SLC14A2: variants seen among roughly 807,000 people sequenced by gnomAD.
The protein encoded by SLC14A2 is urea transporter 2.
In SLC14A2, 91 loss-of-function variants were observed where a neutral mutation model predicts 104.6. That is an observed-to-expected ratio of 0.87 (90% CI 0.73 to 1.04). The LOEUF (loss-of-function observed/expected upper bound fraction) is 1.04. Among genes scored for constraint, SLC14A2 ranks in the 50% least tolerant of loss-of-function variants. The probability of loss-of-function intolerance (pLI) is 0.00; values close to 1 mark genes in which losing one functional copy is unlikely to be tolerated. For synonymous variants in SLC14A2, 476 were observed against 466.4 expected, an observed-to-expected ratio of 1.02 and a Z score of -0.27; for missense variants, 1,189 against 1,156.0, an observed-to-expected ratio of 1.03 and a Z score of -0.41.
At chr18:45,466,148 G>A (rs752417246) in intron 1 of SLC14A2, among the ~76,000 whole-genome samples, 6 of 152,008 alleles carry the variant, frequency 3.9e-5, no homozygotes, top group Non-Finnish European at 7.4e-5. Flanking sequence ...TGCTTATCTC[G>A]GTCAGGTCAC....
intron 1 of SLC14A2, among the ~76,000 whole-genome samples, chr18:45,383,280 G>T (rs572580074): frequency 2.0e-5 from 3 of 152,150 alleles, no homozygotes; most frequent in Non-Finnish European, 4.4e-5. Context: ...TCAGTGATGC[G>T]CAGAAAATGG....
intron 2 of SLC14A2, among the ~76,000 whole-genome samples, chr18:45,544,289 T>C (rs538087191): frequency 3.9e-5 from 6 of 152,300 alleles, no homozygotes; most frequent in African/African-American, 1.4e-4. Context: ...CTATCCTGAA[T>C]CCCTTCAGCA....
At chr18:45,445,890 A>C (rs766847469) in intron 1 of SLC14A2, among the ~76,000 whole-genome samples, 3 of 152,188 alleles carry the variant, frequency 2.0e-5, no homozygotes, top group Non-Finnish European at 4.4e-5. Context: ...CACATTAGTA[A>C]CACGTGGAAA....
chr18:45,628,000 C>CAAAAA (rs58009345), intron 4 of SLC14A2, among the ~76,000 whole-genome samples: 64 of 81,996 alleles, frequency 7.8e-4, no homozygotes, highest in East Asian at 1.1e-3. Flanking sequence ...AAGACTTTCT[C>CAAAAA]AAAAAAAAAA....
At chr18:45,476,403 G>C (rs1164569109) in intron 1 of SLC14A2, among the ~76,000 whole-genome samples, 1 of 152,194 alleles carries the variant, frequency 6.6e-6, no homozygotes, top group African/African-American at 2.4e-5. Flanking sequence ...CTCTCTGACT[G>C]CCCTTAACAT....
At chr18:45,609,830 T>C (rs2044941930) in intron 2 of SLC14A2, among the ~76,000 whole-genome samples, 1 of 152,218 alleles carries the variant, frequency 6.6e-6, no homozygotes, top group African/African-American at 2.4e-5. Context: ...GCTTCAACCC[T>C]GAGCAGGCTG....
intron 1 of SLC14A2, among the ~76,000 whole-genome samples, chr18:45,285,542 C>G (rs76366786): frequency 6.6e-6 from 1 of 152,060 alleles, no homozygotes; most frequent in Non-Finnish European, 1.5e-5. Context: ...CTCAGCCTTC[C>G]GAGTAGCTGG....
chr18:45,650,322 A>AT lies in SLC14A2; in HGVS notation c.1351+6172dup, dbSNP rs200332317. 5.5e-4 allele frequency among the ~76,000 whole-genome samples: 83 copies of AT among 150,404 alleles called. 1 individual carries two copies. Among genetic ancestry groups the AT allele is most frequent in the Middle Eastern group, 3.4e-3 (1 of 290 alleles). Reference sequence around the variant, plus strand: ...AATAGAAGATCCATGTGTGTTTATGATTTTTTTTTTAATTTTCTATCTCCT... The same window carrying AT: ...AATAGAAGATCCATGTGTGTTTATGATTTTTTTTTTTAATTTTCTATCTCCT... On this transcript the variant is annotated intron_variant, in intron 10 of 19. Coordinates refer to ENST00000255226, the MANE Select transcript of SLC14A2 (RefSeq NM_007163.4).
At chr18:45,238,900 A>G (rs1427596838) in intron 1 of SLC14A2, among the ~76,000 whole-genome samples, 1 of 152,208 alleles carries the variant, frequency 6.6e-6, no homozygotes, top group African/African-American at 2.4e-5. Flanking sequence ...CGTTGTCCCC[A>G]ACCTCAAGGA....
chr18:45,494,850 C>T (rs1157334187), intron 2 of SLC14A2, among the ~76,000 whole-genome samples: 1 of 151,938 alleles, frequency 6.6e-6, no homozygotes, highest in East Asian at 1.9e-4. Flanking sequence ...CACCTTCCAG[C>T]CCGTTCTTGG....
chr18:45,204,571 C>T, the SLC14A2 span, among the ~76,000 whole-genome samples: 3 of 152,160 alleles, frequency 2.0e-5, no homozygotes, highest in Admixed American at 6.5e-5. Flanking sequence ...ATAAATAACA[C>T]TCTCAAGAGT....
intron 1 of SLC14A2, among the ~76,000 whole-genome samples, chr18:45,441,269 G>A (rs2086678554): frequency 6.6e-6 from 1 of 152,184 alleles, no homozygotes; most frequent in South Asian, 2.1e-4. Flanking sequence ...GCTCTTTCAA[G>A]CAGAGATTCC....
intron 1 of SLC14A2, among the ~76,000 whole-genome samples, chr18:45,225,278 G>T (rs1377409106): frequency 2.0e-5 from 3 of 151,970 alleles, no homozygotes; most frequent in Non-Finnish European, 4.4e-5. Flanking sequence ...TTTTTGTCAG[G>T]TTTGTCAAAG....
chr18:45,391,453 G>C (rs2085963049), intron 1 of SLC14A2, among the ~76,000 whole-genome samples: 1 of 152,166 alleles, frequency 6.6e-6, no homozygotes, highest in African/African-American at 2.4e-5. Flanking sequence ...TAATGGGATG[G>C]CTGGGTCAAA....
chr18:45,446,695 G>T (rs1199965133), intron 1 of SLC14A2, among the ~76,000 whole-genome samples: 1 of 152,178 alleles, frequency 6.6e-6, no homozygotes, highest in East Asian at 1.9e-4. Context: ...TCATCTTCTT[G>T]CAGCCCTTTC....
chr18:45,290,817 A>T (rs558993305), intron 1 of SLC14A2, among the ~76,000 whole-genome samples: 1 of 152,310 alleles, frequency 6.6e-6, no homozygotes, highest in East Asian at 1.9e-4. Flanking sequence ...TTAAAATTTC[A>T]TATGTGGGTT....
the SLC14A2 span, among the ~76,000 whole-genome samples, chr18:45,196,189 C>T: frequency 6.6e-6 from 1 of 152,166 alleles, no homozygotes; most frequent in African/African-American, 2.4e-5. Context: ...GGTTATAATT[C>T]AGTATGTACA....
At chr18:45,513,134 T>A (rs1218958509) in intron 2 of SLC14A2, among the ~76,000 whole-genome samples, 2 of 152,184 alleles carry the variant, frequency 1.3e-5, no homozygotes, top group East Asian at 3.9e-4. Context: ...TTGAAGGTCA[T>A]CAGGGCCAGC....
At chr18:45,279,803 C>A (rs2084743020) in intron 1 of SLC14A2, among the ~76,000 whole-genome samples, 1 of 152,134 alleles carries the variant, frequency 6.6e-6, no homozygotes, top group Admixed American at 6.5e-5. Context: ...ACAAAGCGAC[C>A]CATGAGAACA....
Sources: gnomAD v4.1 joint callset for allele counts (sites outside exome capture counted in the v4.1 genomes callset) on GRCh38, gnomAD v4.1.1 for gene constraint, MANE v1.5 for transcripts, NCBI Gene and HGNC (gene_info 2026-07-23, HGNC 2026-07-21) for gene names.